The following TIMD4 variants were observed in gnomAD, a reference collection of about 807,000 sequenced individuals.
TIMD4 encodes the protein T-cell immunoglobulin and mucin domain-containing protein 4.
TIMD4 carries 31 observed loss-of-function variants against 41.2 expected under a neutral mutation model. The ratio of observed to expected loss-of-function variants is 0.75; its 90% confidence interval spans 0.57 to 1.01. TIMD4 has a LOEUF of 1.01. Ranked by LOEUF, TIMD4 falls within the 50% of genes least tolerant of loss-of-function variation. TIMD4 has a pLI of 0.00. For missense variants in TIMD4, 479 were observed against 472.5 expected (o/e 1.01, Z -0.13); for synonymous variants, 204 against 177.1 (o/e 1.15, Z -1.21).
intron 3 of TIMD4, among the ~76,000 whole-genome samples, chr5:156,949,943 G>A (rs1341485586): frequency 1.3e-5 from 2 of 151,942 alleles, no homozygotes; most frequent in Non-Finnish European, 2.9e-5. Context: ...TCAGCCTCCC[G>A]AGCAGCTGGG....
intron 5 of TIMD4, among the ~76,000 whole-genome samples, chr5:156,933,497 C>T (rs1395074668): frequency 2.2e-5 from 3 of 136,602 alleles, no homozygotes; most frequent in Non-Finnish European, 3.1e-5. Flanking sequence ...AGGATATAGT[C>T]CAAACTGTAA....
chr5:156,944,072 A>T (rs900345600), intron 5 of TIMD4, among the ~76,000 whole-genome samples: 4 of 151,754 alleles, frequency 2.6e-5, no homozygotes, highest in African/African-American at 9.7e-5. Context: ...AAAAAAAAAA[A>T]AGAAATAAAG....
chr5:156,962,014 G>A (rs1686514382), intron 1 of TIMD4, among the ~76,000 whole-genome samples: 3 of 152,004 alleles, frequency 2.0e-5, no homozygotes, highest in Admixed American at 2.0e-4. Flanking sequence ...ATACATGAGA[G>A]CTAAAAAAGT....
intron 1 of TIMD4, among the ~76,000 whole-genome samples, chr5:156,961,792 G>A (rs570648144): frequency 2.1e-5 from 2 of 93,508 alleles, no homozygotes; most frequent in Admixed American, 3.5e-4. Flanking sequence ...CTAGGCAAAA[G>A]AGCGAGACTC....
intron 6 of TIMD4, among the ~76,000 whole-genome samples, chr5:156,923,143 A>ATTTTTT (rs375276732): frequency 1.5e-5 from 2 of 135,046 alleles, no homozygotes; most frequent in African/African-American, 2.7e-5. Flanking sequence ...CTGGGATTAA[A>ATTTTTT]TTTTTTTTTT....
chr5:156,937,056 G>T (rs1460129726), intron 5 of TIMD4, among the ~76,000 whole-genome samples: 1 of 151,866 alleles, frequency 6.6e-6, no homozygotes, highest in African/African-American at 2.4e-5. Context: ...TACAATGTAA[G>T]CATCTGAAAG....
At chr5:156,919,829 T>A (rs1333808559) in intron 8 of TIMD4, among the ~76,000 whole-genome samples, 4 of 152,228 alleles carry the variant, frequency 2.6e-5, no homozygotes, top group Non-Finnish European at 4.4e-5. Flanking sequence ...AAAGGTCACC[T>A]CGCTGGGTGT....
intron 1 of TIMD4, among the ~76,000 whole-genome samples, chr5:156,956,355 A>G (rs1467144426): frequency 6.6e-6 from 1 of 152,224 alleles, no homozygotes. Flanking sequence ...CTGGAGGGTA[A>G]GGTTTACTGC....
At chr5:156,931,916 T>TA (rs1338313918) in intron 5 of TIMD4, among the ~76,000 whole-genome samples, 2 of 151,932 alleles carry the variant, frequency 1.3e-5, no homozygotes, top group Non-Finnish European at 2.9e-5. Flanking sequence ...TGATCTCCTA[T>TA]ATCCTTTTTA....
chr5:156,959,001 TC>T (rs1760032937), intron 1 of TIMD4, among the ~76,000 whole-genome samples: 1 of 152,200 alleles, frequency 6.6e-6, no homozygotes, highest in South Asian at 2.1e-4. Flanking sequence ...TTTTGTGGGC[TC>T]AGACTTTTGA....
intron 4 of TIMD4, among the ~76,000 whole-genome samples, chr5:156,948,827 C>T (rs549795168): frequency 6.6e-6 from 1 of 152,320 alleles, no homozygotes; most frequent in Admixed American, 6.5e-5. Context: ...CCACATAAAT[C>T]ACTCTATCAT....
At chr5:156,923,162 T>C (rs1759282032) in intron 6 of TIMD4, among the ~76,000 whole-genome samples, 1 of 123,558 alleles carries the variant, frequency 8.1e-6, no homozygotes, top group South Asian at 2.5e-4. Context: ...TTTTTTTTTT[T>C]TTTTGACACA....
At chr5:156,952,217 G>C (rs1237098454) in intron 2 of TIMD4, among the ~76,000 whole-genome samples, 1 of 151,526 alleles carries the variant, frequency 6.6e-6, no homozygotes, top group South Asian at 2.1e-4. Flanking sequence ...TTCAACCTGG[G>C]AGGCAGAGGT....
intron 5 of TIMD4, among the ~76,000 whole-genome samples, chr5:156,947,032 T>C (rs1759757250): frequency 6.6e-6 from 1 of 151,774 alleles, no homozygotes. Flanking sequence ...ACCCCATCTC[T>C]ACTAAAATAC....
chr5:156,924,899 C>T (rs572891584), intron 6 of TIMD4, among the ~76,000 whole-genome samples: 1 of 152,232 alleles, frequency 6.6e-6, no homozygotes, highest in East Asian at 1.9e-4. Context: ...TACAAGCAAA[C>T]AAATCTGAAA....
At chr5:156,936,932 G>GA (rs979433463) in intron 5 of TIMD4, among the ~76,000 whole-genome samples, 12,668 of 92,430 alleles carry the variant, frequency 0.14, 1,997 homozygotes, top group African/African-American at 0.4. Context: ...ACTCCGTCTG[G>GA]AAAAAAAAAA....
At chr5:156,940,943 T>C (rs1034864264) in intron 5 of TIMD4, among the ~76,000 whole-genome samples, 1 of 152,236 alleles carries the variant, frequency 6.6e-6, no homozygotes, top group Admixed American at 6.5e-5. Flanking sequence ...GAAGTAGACA[T>C]AGGAGACTCC....
chr5:156,943,599 A>G (rs1220734765), intron 5 of TIMD4, among the ~76,000 whole-genome samples: 1 of 152,222 alleles, frequency 6.6e-6, no homozygotes, highest in Non-Finnish European at 1.5e-5. Context: ...AGATACAATC[A>G]GTAGGGAACT....
At chr5:156,938,899 G>C (rs1759587291) in intron 5 of TIMD4, among the ~76,000 whole-genome samples, 3 of 152,124 alleles carry the variant, frequency 2.0e-5, no homozygotes, top group Non-Finnish European at 4.4e-5. Flanking sequence ...GGCTTTGCCA[G>C]CCCAGCTTCC....
Sources: allele counts gnomAD v4.1 joint callset (sites outside exome capture counted in the v4.1 genomes callset), GRCh38; gene constraint gnomAD v4.1.1; transcripts MANE v1.5; gene names NCBI Gene and HGNC (gene_info 2026-07-23, HGNC 2026-07-21).